The following PNLIPRP3 variants were observed in gnomAD, a reference collection of about 807,000 sequenced individuals.
PNLIPRP3 encodes pancreatic lipase-related protein 3.
PNLIPRP3 carries 58 observed loss-of-function variants against 52.8 expected under a neutral mutation model. That is an observed-to-expected ratio of 1.10 (90% confidence interval 0.89 to 1.37). The LOEUF (loss-of-function observed/expected upper bound fraction) is 1.37. Among genes scored for constraint, PNLIPRP3 ranks in the 40% most tolerant of loss-of-function variants. The pLI is 0.00. For synonymous variants in PNLIPRP3, 192 were observed against 185.0 expected, an observed-to-expected ratio of 1.04 and a Z score of -0.31; for missense variants, 593 against 561.6, an observed-to-expected ratio of 1.06 and a Z score of -0.57.
rs1589976730 is a variant in PNLIPRP3, at chr10:116,440,034, A to T, written c.205-3021A>T. 11 of 755,126 alleles carry T rather than the reference A, an allele frequency of 1.5e-5. No homozygotes were observed. The East Asian group carries it at 2.7e-4, about 18-fold the overall frequency. 46.8% of individuals were successfully genotyped at this position (755,126 alleles called of 1,614,324 possible). A position where few individuals can be genotyped will look rare whatever the true frequency, so the allele number is the denominator to read the frequency against. ...TCTTGCCGTTTGGTTTCTAGGGGTC[A>T]CCTTTAGCCATCCTGACTGTATTGT... On this transcript the variant is annotated intron_variant, in intron 2 of 11. Coordinates refer to ENST00000369230, the MANE Select transcript of PNLIPRP3 (RefSeq NM_001011709.3).
At chr10:116,466,273 C>G (rs1846281871) in intron 8 of PNLIPRP3, 105 bp downstream of exon 8, 1 of 765,036 alleles carries the variant, frequency 1.3e-6, no homozygotes, top group Non-Finnish European at 2.1e-6. Context: ...AAAAATGCAC[C>G]TGCCATTTTG....
At chr10:116,461,394 T>C in intron 7 of PNLIPRP3, 104 bp downstream of exon 7, 1 of 1,354,240 alleles carries the variant, frequency 7.4e-7, no homozygotes, top group Non-Finnish European at 1.0e-6. Context: ...ATAAAATGTA[T>C]TTTCTCTCAA....
intron 4 of PNLIPRP3, among the ~76,000 whole-genome samples, chr10:116,455,352 T>A (rs201041793): frequency 4.2e-4 from 1 of 2,406 alleles, no homozygotes; most frequent in African/African-American, 4.9e-4. Context: ...GGTGGATAAC[T>A]GTAGGAATGA....
At chr10:116,429,040 G>T (rs1021259188) in intron 1 of PNLIPRP3, among the ~76,000 whole-genome samples, 1 of 152,090 alleles carries the variant, frequency 6.6e-6, no homozygotes, top group Admixed American at 6.6e-5. Context: ...TTATAGGGTT[G>T]TGCCAATTAA....
Position 116,427,927 on chromosome 10 carries a change from A to G in PNLIPRP3, c.-86A>G, listed in dbSNP as rs557652448. On this transcript the variant is annotated 5_prime_UTR_variant, in exon 1 of 12. Transcript: ENST00000369230. ...AACATTGAGTTGCATCATTGTGAGG[A>G]AAACCACTTAGTATTTTATAGTGAG... is the stretch of plus-strand genomic sequence containing the variant. 1.1e-4 allele frequency: 114 copies of G among 1,018,410 alleles called. 1 individual carries two copies. In the South Asian group the frequency reaches 1.5e-3, roughly 13 times the overall value. 63.1% of individuals were successfully genotyped at this position (1,018,410 alleles called of 1,614,324 possible). A position where few individuals can be genotyped will look rare whatever the true frequency, so the allele number is the denominator to read the frequency against.
chr10:116,429,777 T>C (rs1209680172), intron 1 of PNLIPRP3, among the ~76,000 whole-genome samples: 1 of 152,176 alleles, frequency 6.6e-6, no homozygotes, highest in African/African-American at 2.4e-5. Flanking sequence ...AAGCCATGAC[T>C]ACAGACAGGA....
chr10:116,477,044 T>G, intron 11 of PNLIPRP3, 46 bp from the exon 12 acceptor site: 1 of 1,469,110 alleles, frequency 6.8e-7, no homozygotes, highest in Non-Finnish European at 9.3e-7. Flanking sequence ...TTTTCTTCCC[T>G]GGCATCAGGT....
In PNLIPRP3 at chr10:116,442,952, T is replaced by G. The variant is rs1057023427; in HGVS notation, c.205-103T>G. ...ATATATTAAAGAAGGTTGCTAAAGA[T>G]CAAATTTAGTGAAAGGCTTTCGAGC... On this transcript the variant is annotated intron_variant, in intron 2 of 11. Coordinates refer to ENST00000369230, the MANE Select transcript of PNLIPRP3 (RefSeq NM_001011709.3). 4.6e-6 allele frequency: 4 copies of G among 870,368 alleles called. No individual in the cohort carries two copies. In the African/African-American group the frequency reaches 5.3e-5, roughly 11 times the overall value. The allele number at this position is 870,368 out of a possible 1,614,324, so 53.9% of individuals were successfully genotyped here.
chr10:116,441,576 G>A (rs1056029525), intron 2 of PNLIPRP3, among the ~76,000 whole-genome samples: 1 of 152,124 alleles, frequency 6.6e-6, no homozygotes, highest in Non-Finnish European at 1.5e-5. Context: ...GCAGAAAAAT[G>A]CTTCCTAGAA....
At chr10:116,434,993 T>C (rs1488809539) in intron 1 of PNLIPRP3, among the ~76,000 whole-genome samples, 3 of 152,220 alleles carry the variant, frequency 2.0e-5, no homozygotes, top group Non-Finnish European at 2.9e-5. Flanking sequence ...TAACCTACGA[T>C]GACACTGATC....
At chr10:116,435,105 T>C (rs1477205218) in intron 1 of PNLIPRP3, among the ~76,000 whole-genome samples, 2 of 152,242 alleles carry the variant, frequency 1.3e-5, no homozygotes, top group Admixed American at 1.3e-4. Flanking sequence ...AATGTAATTA[T>C]AGCATGCGAG....
intron 10 of PNLIPRP3, among the ~76,000 whole-genome samples, chr10:116,475,876 T>C (rs1263049063): frequency 1.3e-5 from 2 of 152,180 alleles, no homozygotes; most frequent in African/African-American, 2.4e-5. Context: ...TTACTAACTA[T>C]AGTTTAATTT....
intron 10 of PNLIPRP3, among the ~76,000 whole-genome samples, chr10:116,475,464 T>C (rs184592940): frequency 5.3e-5 from 8 of 152,290 alleles, no homozygotes; most frequent in African/African-American, 1.7e-4. Context: ...TCTTAGCTAA[T>C]TGGGCTTCTA....
chr10:116,443,052 C>G lies in PNLIPRP3; in HGVS notation c.205-3C>G. On this transcript the variant is annotated splice_region_variant and splice_polypyrimidine_tract_variant and intron_variant, in intron 2 of 11. Transcript: ENST00000369230. ...TTCCTTAATCTCTTTCTGCTTGAAA[C>G]AGGAGATCAGTGCGGTTAATTCTTC... The G allele has an allele frequency of 6.4e-7, 1 of 1,571,758 alleles. No homozygotes were observed. The highest frequency in any genetic ancestry group is 8.7e-7 in the Non-Finnish European group (1 of 1,154,202).
chr10:116,463,380 A>T (rs1846228095), intron 7 of PNLIPRP3, among the ~76,000 whole-genome samples: 1 of 152,174 alleles, frequency 6.6e-6, no homozygotes, highest in Non-Finnish European at 1.5e-5. Context: ...CCGTGTCAGG[A>T]ACCCTGGGAC....
Position 116,466,117 on chromosome 10 carries a change from T to C in PNLIPRP3, c.876T>C (p.Asn292=), listed in dbSNP as rs147277918. Residue 292 remains asparagine (N), a synonymous_variant, in exon 8 of 12, where the codon AAT becomes AAC. Transcript: ENST00000369230. ...SYQFYAESIL[N]PDAFIAYPCR... ...AATTTTATGCTGAAAGCATTCTTAA[T>C]CCTGATGCATTTATTGCTTATCCTT... 1 of 1,613,760 alleles carries C rather than the reference T, an allele frequency of 6.2e-7. No homozygotes were observed. The highest frequency in any genetic ancestry group is 8.5e-7 in the Non-Finnish European group (1 of 1,179,846).
At chr10:116,465,515 A>G (rs1187195364) in intron 7 of PNLIPRP3, among the ~76,000 whole-genome samples, 2 of 151,930 alleles carry the variant, frequency 1.3e-5, no homozygotes, top group African/African-American at 4.8e-5. Context: ...AGCCTGGGTG[A>G]CAGAGCCAGA....
intron 10 of PNLIPRP3, among the ~76,000 whole-genome samples, chr10:116,474,472 T>C (rs1369827201): frequency 6.6e-6 from 1 of 152,144 alleles, no homozygotes; most frequent in Non-Finnish European, 1.5e-5. Context: ...ACTAAAGAGC[T>C]TCGACACAGC....
chr10:116,436,370 A>G (rs1189374216), intron 1 of PNLIPRP3, among the ~76,000 whole-genome samples: 1 of 152,212 alleles, frequency 6.6e-6, no homozygotes, highest in African/African-American at 2.4e-5. Context: ...CTTAAATGTA[A>G]GACTTGAAAT....
Sources: allele counts gnomAD v4.1 joint callset (sites outside exome capture counted in the v4.1 genomes callset), GRCh38; gene constraint gnomAD v4.1.1; transcripts MANE v1.5; gene names NCBI Gene and HGNC (gene_info 2026-07-23, HGNC 2026-07-21).